Variants in DMXL1 observed in about 807,000 individuals in gnomAD.
DMXL1 encodes the protein dmX-like protein 1.
Under a neutral mutation model 319.2 loss-of-function variants are expected in DMXL1, and 99 were observed. The ratio of observed to expected loss-of-function variants is 0.31; its 90% CI spans 0.26 to 0.37. DMXL1 has a LOEUF of 0.37. DMXL1 is among the 10% of genes least tolerant of loss of function. The pLI is 1.00. For synonymous variants in DMXL1, 1,385 were observed against 1,235.2 expected, an observed-to-expected ratio of 1.12 and a Z score of -2.54; for missense variants, 3,745 against 3,595.6, an observed-to-expected ratio of 1.04 and a Z score of -1.06.
intron 19 of DMXL1, among the ~76,000 whole-genome samples, chr5:119,160,799 C>T (rs750251622): frequency 1.5e-4 from 23 of 152,178 alleles, no homozygotes; most frequent in Non-Finnish European, 3.1e-4. Flanking sequence ...CAGTTTTTGA[C>T]TTAAAGTCTA....
chr5:119,122,100 C>G (rs1344060707), intron 9 of DMXL1, among the ~76,000 whole-genome samples: 8 of 144,094 alleles, frequency 5.6e-5, no homozygotes, highest in Non-Finnish European at 1.1e-4. Flanking sequence ...GACCCCCCCA[C>G]CTCCCTCCCG....
At chr5:119,182,170 A>C (rs1345824705) in intron 28 of DMXL1, among the ~76,000 whole-genome samples, 1 of 152,220 alleles carries the variant, frequency 6.6e-6, no homozygotes, top group Non-Finnish European at 1.5e-5. Flanking sequence ...TTCAATATAC[A>C]TTGTTGACCA....
chr5:119,178,572 C>T, intron 28 of DMXL1: 12 of 979,268 alleles, frequency 1.2e-5, no homozygotes, highest in Non-Finnish European at 1.5e-5. Flanking sequence ...CTTTCTTTGG[C>T]AGGAAGGCAC....
At chr5:119,112,105 C>T (rs545012494) in intron 5 of DMXL1, among the ~76,000 whole-genome samples, 14 of 152,098 alleles carry the variant, frequency 9.2e-5, no homozygotes, top group Admixed American at 6.5e-4. Context: ...GGACTACAGG[C>T]GCTCTACCAC....
intron 5 of DMXL1, among the ~76,000 whole-genome samples, chr5:119,113,927 A>G (rs1760232920): frequency 1.3e-5 from 2 of 152,222 alleles, no homozygotes; most frequent in African/African-American, 4.8e-5. Flanking sequence ...TCTTGAGATC[A>G]GTATATATGA....
chr5:119,215,364 A>G (rs962611884), intron 34 of DMXL1, among the ~76,000 whole-genome samples: 3 of 151,984 alleles, frequency 2.0e-5, no homozygotes, highest in African/African-American at 7.3e-5. Flanking sequence ...CTGGAGTACA[A>G]TGGCTCGATC....
intron 10 of DMXL1, among the ~76,000 whole-genome samples, chr5:119,130,871 G>A (rs919627394): frequency 6.6e-6 from 1 of 152,064 alleles, no homozygotes; most frequent in Admixed American, 6.6e-5. Flanking sequence ...TCCAGGGAGT[G>A]TAGCAATTTA....
At chr5:119,231,271 A>G (rs551307914) in intron 38 of DMXL1, among the ~76,000 whole-genome samples, 1 of 152,336 alleles carries the variant, frequency 6.6e-6, no homozygotes. Flanking sequence ...ATGTTTATGC[A>G]TAAAATTAGC....
intron 5 of DMXL1, 30 bp from the exon 6 acceptor site, chr5:119,114,445 C>G (rs374448175): frequency 2.7e-6 from 4 of 1,474,270 alleles, no homozygotes; most frequent in African/African-American, 2.8e-5. Flanking sequence ...GTTTTCATTG[C>G]AAATTATTCC....
chr5:119,217,902 A>T (rs1365293475), intron 35 of DMXL1, among the ~76,000 whole-genome samples: 1 of 152,008 alleles, frequency 6.6e-6, no homozygotes. Context: ...TGTGTGCTTC[A>T]CTTAATTTCC....
At position 119,149,895 on chromosome 5, in the gene DMXL1, A is replaced by T; in HGVS notation, c.4068A>T (p.Glu1356Asp). The change falls in exon 18 of 44, where the codon GAA (glutamate) becomes GAT (aspartate). Residue 1356 changes from glutamate to aspartate, a missense_variant. Around this residue, in one of 4 missense-constraint regions of DMXL1, gnomAD observed 2,096 missense variants for 1,985.4 expected, o/e 1.06. Coordinates refer to ENST00000539542, the MANE Select transcript of DMXL1 (RefSeq NM_001290321.3). ...LSHLVKCIAG[E>D]VVALNEAESN... Reference sequence around the variant, plus strand: ...ATCTTGTTAAGTGCATTGCTGGGGAAGTTGTGGCTCTGAATGAAGCTGAAT... The same window carrying T: ...ATCTTGTTAAGTGCATTGCTGGGGATGTTGTGGCTCTGAATGAAGCTGAAT... 1 of 1,613,908 alleles carries T rather than the reference A, an allele frequency of 6.2e-7. No homozygotes were observed. Among genetic ancestry groups the T allele is most frequent in the Non-Finnish European group, 8.5e-7 (1 of 1,179,916 alleles).
chr5:119,243,061 A>T (rs1184061054), intron 42 of DMXL1, among the ~76,000 whole-genome samples: 2 of 152,184 alleles, frequency 1.3e-5, no homozygotes, highest in Non-Finnish European at 2.9e-5. Context: ...AGAATTGACC[A>T]TGAAGGGGCA....
intron 1 of DMXL1, among the ~76,000 whole-genome samples, chr5:119,076,278 A>G (rs1198918416): frequency 6.6e-6 from 1 of 152,214 alleles, no homozygotes; most frequent in Non-Finnish European, 1.5e-5. Context: ...ATAGGGCTGA[A>G]TAAGTAGTCG....
chr5:119,141,353 T>C (rs933220225), intron 13 of DMXL1, among the ~76,000 whole-genome samples: 6 of 152,144 alleles, frequency 3.9e-5, no homozygotes, highest in African/African-American at 1.4e-4. Context: ...TAGATAACCC[T>C]ATGTCTTGGC....
intron 15 of DMXL1, among the ~76,000 whole-genome samples, chr5:119,145,081 A>C (rs1178472632): frequency 6.6e-6 from 1 of 151,844 alleles, no homozygotes; most frequent in Non-Finnish European, 1.5e-5. Context: ...CCTCTCATCA[A>C]CACTTTACAT....
rs145256470 is a variant in DMXL1 at position 119,186,929 on chromosome 5, G to T, written c.7136-2779G>T. Among the ~76,000 whole-genome samples the T allele has an allele frequency of 5.5e-3, 836 of 151,640 alleles. 8 individuals carry two copies. The highest frequency in any genetic ancestry group is 0.02 in the African/African-American group (805 of 41,268). On this transcript the variant is annotated intron_variant, in intron 28 of 43. Coordinates refer to ENST00000539542, the MANE Select transcript of DMXL1 (RefSeq NM_001290321.3). ...ATCACACACTGGGGCCTGTCGTGGG[G>T]TGGGGGGATGGGGGAGGGATAGCAT...
At chr5:119,233,292 C>T in intron 38 of DMXL1, 48 bp from the exon 39 acceptor site, 2 of 1,577,274 alleles carry the variant, frequency 1.3e-6, no homozygotes, top group East Asian at 2.3e-5. Flanking sequence ...TAACTTTTCC[C>T]AAAGATTCTT....
At chr5:119,226,353 C>G (rs912794530) in intron 38 of DMXL1, among the ~76,000 whole-genome samples, 3 of 152,102 alleles carry the variant, frequency 2.0e-5, no homozygotes, top group African/African-American at 7.2e-5. Flanking sequence ...TGTTATGAGA[C>G]AGGATTTTTA....
intron 4 of DMXL1, among the ~76,000 whole-genome samples, chr5:119,105,945 T>C (rs1160221779): frequency 6.6e-6 from 1 of 151,572 alleles, no homozygotes; most frequent in East Asian, 1.9e-4. Context: ...GTATCAGTTA[T>C]CTATTTCTGC....
Sources: gnomAD v4.1 joint callset for allele counts (sites outside exome capture counted in the v4.1 genomes callset) on GRCh38, gnomAD v4.1.1 for gene constraint, gnomAD v4.1.1 regional missense constraint, MANE v1.5 for transcripts, NCBI Gene and HGNC (gene_info 2026-07-23, HGNC 2026-07-21) for gene names.